The following MME variants were observed in gnomAD, a reference collection of about 807,000 sequenced individuals.
MME encodes the protein membrane metalloendopeptidase.
MME carries 98 observed loss-of-function variants against 113.2 expected under a neutral mutation model. That is an observed-to-expected ratio of 0.87 (90% CI 0.74 to 1.02). The LOEUF (loss-of-function observed/expected upper bound fraction) is 1.02. Among genes scored for constraint, MME ranks in the 50% least tolerant of loss-of-function variants. MME has a pLI of 0.00. For missense variants in MME, 836 were observed against 896.0 expected, an observed-to-expected ratio of 0.93 and a Z score of 0.86; for synonymous variants, 292 against 300.6, an observed-to-expected ratio of 0.97 and a Z score of 0.30.
chr3:155,138,849 G>A (rs577710175), intron 9 of MME, among the ~76,000 whole-genome samples: 2 of 152,210 alleles, frequency 1.3e-5, no homozygotes, highest in South Asian at 4.2e-4. Flanking sequence ...CTTTGATAGG[G>A]CACTGCAGTC....
At chr3:155,167,181 AG>A (rs1723164663) in intron 18 of MME, among the ~76,000 whole-genome samples, 160 bp downstream of exon 18, 1 of 152,192 alleles carries the variant, frequency 6.6e-6, no homozygotes, top group African/African-American at 2.4e-5. Context: ...TGTTGCTTAA[AG>A]AGATCAGAAA....
intron 3 of MME, among the ~76,000 whole-genome samples, chr3:155,097,190 C>T (rs934782600): frequency 3.9e-5 from 6 of 151,924 alleles, no homozygotes; most frequent in African/African-American, 1.5e-4. Flanking sequence ...GGTACATATT[C>T]GATGTGGTAG....
At chr3:155,119,427 T>A (rs1272480275) in intron 8 of MME, among the ~76,000 whole-genome samples, 1 of 151,144 alleles carries the variant, frequency 6.6e-6, no homozygotes, top group African/African-American at 2.4e-5. Flanking sequence ...TTTTTTTTTT[T>A]TTATTATACT....
At chr3:155,113,303 A>T (rs1718338609) in intron 3 of MME, among the ~76,000 whole-genome samples, 2 of 152,108 alleles carry the variant, frequency 1.3e-5, no homozygotes, top group African/African-American at 4.8e-5. Context: ...TATTTCTGAG[A>T]TAGTCTCTCT....
Position 155,138,217 on chromosome 3 carries a change from T to A in MME, c.836T>A (p.Leu279Ter). The A allele has an allele frequency of 6.2e-7, 1 of 1,613,666 alleles. No homozygotes were observed. Among genetic ancestry groups the A allele is most frequent in the Non-Finnish European group, 8.5e-7 (1 of 1,179,732 alleles). Residue 279 changes from leucine to a stop codon, truncating the protein, a stop_gained, in exon 9 of 23, where the codon TTG becomes TAG. Coordinates refer to ENST00000360490, the MANE Select transcript of MME (RefSeq NM_007289.4). LOFTEE classifies it high-confidence loss of function. ...TTGGAAATGAATAAAGTTATGGAAT[T>A]GGAAAAAGAAATTGCCAATGTAAAA... The part of the protein sequence containing the change: ...LALEMNKVME[L>*]EKEIANATAK...
chr3:155,148,407 A>C (rs746181017), intron 15 of MME, 143 bp from the exon 16 acceptor site: 8 of 625,294 alleles, frequency 1.3e-5, no homozygotes, highest in Non-Finnish European at 2.0e-5. Context: ...GTTAACTGGA[A>C]CTACATCCTT....
intron 1 of MME, among the ~76,000 whole-genome samples, chr3:155,041,645 C>T (rs1367503012): frequency 1.3e-5 from 2 of 152,076 alleles, no homozygotes; most frequent in Admixed American, 6.5e-5. Context: ...TAGCATCTTA[C>T]CCAAATCCCT....
intron 16 of MME, among the ~76,000 whole-genome samples, chr3:155,156,683 T>G (rs2108343268): frequency 6.6e-6 from 1 of 152,182 alleles, no homozygotes; most frequent in East Asian, 1.9e-4. Context: ...TTGTAAAGGA[T>G]TAGAGTGATT....
At chr3:155,043,730 A>G (rs984870061) in intron 1 of MME, among the ~76,000 whole-genome samples, 4 of 152,166 alleles carry the variant, frequency 2.6e-5, no homozygotes, top group African/African-American at 4.8e-5. Context: ...TATGTTTCCT[A>G]TATATAATTA....
intron 1 of MME, among the ~76,000 whole-genome samples, chr3:155,071,526 C>G (rs957940860): frequency 2.0e-5 from 3 of 152,290 alleles, no homozygotes; most frequent in African/African-American, 7.2e-5. Context: ...AGTCGTATTT[C>G]TCCCATCATC....
intron 7 of MME, among the ~76,000 whole-genome samples, chr3:155,117,726 G>A (rs901146109): frequency 4.0e-5 from 6 of 150,892 alleles, no homozygotes; most frequent in Admixed American, 2.6e-4. Flanking sequence ...AATCATGAAA[G>A]GAATTGAACC....
chr3:155,053,293 C>G (rs1019438323), intron 1 of MME, among the ~76,000 whole-genome samples: 1 of 152,042 alleles, frequency 6.6e-6, no homozygotes, highest in Non-Finnish European at 1.5e-5. Context: ...GTTTTCATGC[C>G]GCTTTAAAGA....
chr3:155,117,287 C>A (rs1028844247), intron 7 of MME, among the ~76,000 whole-genome samples: 2 of 152,242 alleles, frequency 1.3e-5, no homozygotes, highest in South Asian at 2.1e-4. Flanking sequence ...TTCCTAATTT[C>A]TTTGTATAGT....
chr3:155,113,853 T>C (rs928435039), intron 3 of MME, among the ~76,000 whole-genome samples: 1 of 152,270 alleles, frequency 6.6e-6, no homozygotes, highest in East Asian at 1.9e-4. Context: ...TACTAAGGCA[T>C]ACAACTCATG....
At chr3:155,112,138 T>A (rs1718244827) in intron 3 of MME, among the ~76,000 whole-genome samples, 1 of 152,194 alleles carries the variant, frequency 6.6e-6, no homozygotes, top group Admixed American at 6.5e-5. Context: ...TGTTAGGCTC[T>A]GTGAGAGAGA....
chr3:155,154,095 T>TGCTGAC (rs1722143704), intron 16 of MME, among the ~76,000 whole-genome samples: 1 of 152,166 alleles, frequency 6.6e-6, no homozygotes, highest in Non-Finnish European at 1.5e-5. Context: ...TGTCAGCATT[T>TGCTGAC]AAATTAATAT....
In MME at chr3:155,038,770, A is replaced by G. The variant is rs571306059; in HGVS notation, c.-11+14446A>G. Among the ~76,000 whole-genome samples the G allele has an allele frequency of 3.9e-5, 6 of 151,950 alleles. No homozygotes were observed. The East Asian group carries it at 1.2e-3, about 30-fold the overall frequency. On this transcript the variant is annotated intron_variant, in intron 1 of 22. Coordinates refer to the MME transcript ENST00000492661. ...ATAGATCTTAGCAACCTCAGCATAC[A>G]TTTTTTTTCTTTCCTTATTAAGTTG...
At chr3:155,061,450 CAAA>C (rs768689390) in intron 1 of MME, among the ~76,000 whole-genome samples, 5 of 52,526 alleles carry the variant, frequency 9.5e-5, no homozygotes, top group African/African-American at 6.7e-5. Context: ...GGCTCCATCT[CAAA>C]AAAAAAAAAA....
At chr3:155,140,410 C>CTTTTTTTTTTTTTTTTTTT (rs35653282) in intron 10 of MME, 118 bp downstream of exon 10, 1 of 215,666 alleles carries the variant, frequency 4.6e-6, no homozygotes, top group African/African-American at 4.3e-5. Flanking sequence ...ACTTCAATTC[C>CTTTTTTTTTTTTTTTTTTT]TTTTTTTTTT....
Sources: allele counts gnomAD v4.1 joint callset (sites outside exome capture counted in the v4.1 genomes callset), GRCh38; gene constraint gnomAD v4.1.1; transcripts MANE v1.5; gene names NCBI Gene and HGNC (gene_info 2026-07-23, HGNC 2026-07-21).